SCAP: variants seen among roughly 807,000 people sequenced by gnomAD.
The protein encoded by SCAP is sterol regulatory element-binding protein cleavage-activating protein.
Under a neutral mutation model 123.6 loss-of-function variants are expected in SCAP, and 65 were observed. The observed-to-expected ratio is 0.53, with a 90% CI of 0.43 to 0.65. The LOEUF is 0.65. Ranked by LOEUF, SCAP falls within the 30% of genes least tolerant of loss-of-function variation. SCAP has a pLI of 0.00. For synonymous variants in SCAP, 740 were observed against 726.3 expected (o/e 1.02, Z -0.30); for missense variants, 1,398 against 1,712.5 (o/e 0.82, Z 3.24).
intron 8 of SCAP, 110 bp from the exon 9 acceptor site, chr3:47,424,155 A>T: frequency 1.3e-6 from 1 of 754,374 alleles, no homozygotes. Context: ...CTGCTGAGTG[A>T]CTCCCACAGG....
chr3:47,414,328 G>C lies in SCAP; in HGVS notation c.3446C>G (p.Thr1149Ser). The change falls in exon 22 of 23, where the codon ACT becomes AGT. Residue 1149 changes from threonine (T) to serine (S), a missense_variant. Thr to Ser is a moderately conservative substitution (Grantham distance 58). Around this residue, in one of 7 missense-constraint regions of SCAP, gnomAD observed 130 missense variants for 166.7 expected, o/e 0.78. Transcript: ENST00000265565. Reference protein sequence around the residue: ...DGAICLWDVLTGSRVSHVFAH... With the variant: ...DGAICLWDVLSGSRVSHVFAH... ...AAACACATGGCTGACCCGGCTGCCAGTCAGTACATCCCACAGGCAGATGGC... is the reference window on the plus strand; with the variant it reads ...AAACACATGGCTGACCCGGCTGCCACTCAGTACATCCCACAGGCAGATGGC... The C allele has an allele frequency of 6.2e-7, 1 of 1,613,222 alleles. No homozygotes were observed. Among genetic ancestry groups the C allele is most frequent in the Non-Finnish European group, 8.5e-7 (1 of 1,180,026 alleles).
intron 6 of SCAP, among the ~76,000 whole-genome samples, chr3:47,426,498 C>T (rs1480122694): frequency 2.0e-5 from 3 of 152,064 alleles, no homozygotes; most frequent in Non-Finnish European, 4.4e-5. Flanking sequence ...AGTGCAGTGG[C>T]GCCATCTGGG....
intron 2 of SCAP, 49 bp from the exon 3 acceptor site, chr3:47,435,186 CCT>C: frequency 6.4e-7 from 1 of 1,564,104 alleles, no homozygotes; most frequent in Non-Finnish European, 8.7e-7. Flanking sequence ...GAGAGGCAGT[CCT>C]CTCTCAGCAC....
intron 1 of SCAP, among the ~76,000 whole-genome samples, chr3:47,473,636 C>CA (rs1259208911): frequency 6.6e-6 from 1 of 152,138 alleles, no homozygotes; most frequent in Non-Finnish European, 1.5e-5. Flanking sequence ...TGAGAGTAAG[C>CA]AAACAGCACA....
Position 47,425,502 on chromosome 3 carries a change from C to T in SCAP, c.1020G>A (p.Thr340=), listed in dbSNP as rs754116527. 7 of 1,613,738 alleles carry T rather than the reference C, an allele frequency of 4.3e-6. No homozygotes were observed. The highest frequency in any genetic ancestry group is 1.1e-5 in the South Asian group (1 of 91,082). Residue 340 remains threonine, a synonymous_variant, in exon 8 of 23, where the codon ACG becomes ACA. Coordinates refer to ENST00000265565, the MANE Select transcript of SCAP (RefSeq NM_012235.4). ...SVGLCTLFGL[T]PTLNGGEIFP... ...GGACCTACCCGCCATTGAGGGTGGG[C>T]GTCAGGCCGAAGAGTGTGCAGAGTC...
At chr3:47,443,269 CACACACACT>C (rs1706883140) in intron 1 of SCAP, 178 bp from the exon 2 acceptor site, 3 of 171,546 alleles carry the variant, frequency 1.7e-5, no homozygotes, top group South Asian at 8.0e-5. Context: ...CACACACACA[CACACACACT>C]CTCTCTCTCT....
intron 1 of SCAP, among the ~76,000 whole-genome samples, chr3:47,462,793 C>A (rs1484885240): frequency 1.4e-5 from 2 of 147,494 alleles, no homozygotes; most frequent in African/African-American, 5.0e-5. Context: ...GAAAGGAAAA[C>A]ACCTACTTAT....
chr3:47,468,640 T>C (rs1427554125), intron 1 of SCAP, among the ~76,000 whole-genome samples: 1 of 152,212 alleles, frequency 6.6e-6, no homozygotes, highest in Non-Finnish European at 1.5e-5. Context: ...GATGGGTAGA[T>C]TGTAAAAATT....
chr3:47,474,050 G>C (rs533682365), intron 1 of SCAP, among the ~76,000 whole-genome samples: 15 of 152,304 alleles, frequency 9.8e-5, no homozygotes, highest in African/African-American at 3.6e-4. Context: ...CGGATCATGA[G>C]GTCAGGAGAT....
At chr3:47,443,210 G>C in intron 1 of SCAP, 119 bp from the exon 2 acceptor site, 1 of 536,130 alleles carries the variant, frequency 1.9e-6, no homozygotes, top group Non-Finnish European at 3.1e-6. Context: ...TATATGCAAG[G>C]TCTAGTGACC....
chr3:47,418,756 G>T lies in SCAP; in HGVS notation c.2028C>A (p.Arg676=), dbSNP rs142541379. The T allele has an allele frequency of 8.8e-6, 14 of 1,589,422 alleles. No individual in the cohort carries two copies. Among genetic ancestry groups the T allele is most frequent in the Non-Finnish European group, 1.2e-5 (14 of 1,170,890 alleles). ...ALEGRHPQDG[R]SAWPPPGPIP... is the part of the protein sequence containing the mutation. ...TGGGCCCCGGTGGGGGCCAGGCACT[G>T]CGGCCGTCCTGAGGGTGCCGGCCCT... is the stretch of plus-strand genomic sequence containing the variant. The change falls in exon 14 of 23, where the codon CGC becomes CGA. Residue 676 remains arginine, a synonymous_variant. Coordinates refer to ENST00000265565, the MANE Select transcript of SCAP (RefSeq NM_012235.4).
rs547561256 is a variant in SCAP at position 47,468,774 on chromosome 3, T to C, written c.-99+7025A>G. ...TTTTGTTGCCATTGCTTTTGGTGTT[T>C]TAGTCATGAAGTCCTTGCCCATGCC... is the stretch of plus-strand genomic sequence containing the variant. On this transcript the variant is annotated intron_variant, in intron 1 of 22. Transcript: ENST00000265565. Among the ~76,000 whole-genome samples the C allele has an allele frequency of 3.3e-5, 5 of 152,312 alleles. No individual in the cohort carries two copies. The East Asian group carries it at 9.6e-4, about 29-fold the overall frequency.
intron 1 of SCAP, chr3:47,470,107 T>TACA (rs1707975716): frequency 1.2e-5 from 2 of 168,144 alleles, no homozygotes; most frequent in African/African-American, 4.8e-5. Context: ...CTAAAATATT[T>TACA]ACATGCTGCA....
intron 1 of SCAP, among the ~76,000 whole-genome samples, chr3:47,458,113 C>T (rs1204993285): frequency 6.6e-6 from 1 of 151,670 alleles, no homozygotes; most frequent in African/African-American, 2.4e-5. Flanking sequence ...CATGGTGAAA[C>T]CCCGTCTCTA....
chr3:47,420,123 A>G lies in SCAP; in HGVS notation c.1564-419T>C, dbSNP rs749871464. On this transcript the variant is annotated intron_variant, in intron 12 of 22. Coordinates refer to ENST00000265565, the MANE Select transcript of SCAP (RefSeq NM_012235.4). The surrounding 1 kb of genome is among the most constrained non-coding windows in gnomAD (Gnocchi z 5.0). ...CTCAGCCTTCCTCCCATCTCAGTTC[A>G]GCTCCCTGGAAGAGGCACTGCTGCC... Among the ~76,000 whole-genome samples the G allele has an allele frequency of 3.9e-4, 60 of 152,124 alleles. No homozygotes were observed. The highest frequency in any genetic ancestry group is 7.5e-4 in the Non-Finnish European group (51 of 68,006).
In SCAP at chr3:47,417,496, C is replaced by T. The variant is rs772522252; in HGVS notation, c.2778G>A (p.Ala926=). The T allele has an allele frequency of 6.4e-6, 10 of 1,551,942 alleles. No homozygotes were observed. The highest frequency in any genetic ancestry group is 3.9e-5 in the Admixed American group (2 of 51,072). ...VQRVYQEEGL[A]AVCTPALRPP... Reference sequence around the variant, plus strand: ...GGCGCAGGGCTGGTGTGCAGACGGCCGCCAGCCCCTCCTCCTGGTACACCC... The same window carrying T: ...GGCGCAGGGCTGGTGTGCAGACGGCTGCCAGCCCCTCCTCCTGGTACACCC... The change falls in exon 17 of 23, where the codon GCG becomes GCA. Residue 926 remains alanine, a synonymous_variant. Transcript: ENST00000265565.
Position 47,462,928 on chromosome 3 carries a change from A to G in SCAP, c.-99+12871T>C, listed in dbSNP as rs78914974. On this transcript the variant is annotated intron_variant, in intron 1 of 22. Coordinates refer to ENST00000265565, the MANE Select transcript of SCAP (RefSeq NM_012235.4). ...CTTTCCTCATCTACCCTTTCTCCCC[A>G]GGGCTTCTCAGCCTGACTCCTGGCT... 4.6e-5 allele frequency among the ~76,000 whole-genome samples: 7 copies of G among 151,952 alleles called. No homozygotes were observed. The East Asian group carries it at 1.2e-3, about 25-fold the overall frequency.
chr3:47,436,978 G>A (rs1706602576), intron 2 of SCAP, among the ~76,000 whole-genome samples: 1 of 152,122 alleles, frequency 6.6e-6, no homozygotes, highest in African/African-American at 2.4e-5. Context: ...ATACTCTTTT[G>A]TGACTGGCTG....
intron 1 of SCAP, among the ~76,000 whole-genome samples, chr3:47,461,027 G>A (rs1214587414): frequency 6.6e-6 from 1 of 152,090 alleles, no homozygotes; most frequent in Admixed American, 6.6e-5. Context: ...CAGCACACCA[G>A]ACTTCACCGG....
Sources: gnomAD v4.1 joint callset for allele counts (sites outside exome capture counted in the v4.1 genomes callset) on GRCh38, gnomAD v4.1.1 for gene constraint, gnomAD v4.1.1 regional missense constraint, Gnocchi (gnomAD v3.1) non-coding constraint, MANE v1.5 for transcripts, NCBI Gene and HGNC (gene_info 2026-07-23, HGNC 2026-07-21) for gene names.